The following PLEKHH2 variants were observed in gnomAD, a reference collection of about 807,000 sequenced individuals.
PLEKHH2 encodes pleckstrin homology, MyTH4 and FERM domain containing H2.
In PLEKHH2, 129 loss-of-function variants were observed where a neutral mutation model predicts 187.9. That is an observed-to-expected ratio of 0.69 (90% confidence interval 0.59 to 0.79). The LOEUF (loss-of-function observed/expected upper bound fraction) is 0.79. PLEKHH2 is among the 30% of genes least tolerant of loss of function. PLEKHH2 has a pLI of 0.00. For missense variants in PLEKHH2, 2,076 were observed against 1,751.2 expected (o/e 1.19, Z -3.31); for synonymous variants, 686 against 605.6 (o/e 1.13, Z -1.95).
At chr2:43,752,714 C>T (rs1672056236) in intron 24 of PLEKHH2, among the ~76,000 whole-genome samples, 1 of 152,140 alleles carries the variant, frequency 6.6e-6, no homozygotes, top group Non-Finnish European at 1.5e-5. Flanking sequence ...CATTTAGAGC[C>T]GTTACAGCAC....
intron 24 of PLEKHH2, 128 bp downstream of exon 24, chr2:43,746,091 A>G (rs1005771496): frequency 1.8e-6 from 1 of 546,586 alleles, no homozygotes; most frequent in Non-Finnish European, 2.9e-6. Flanking sequence ...TCTATAAATG[A>G]TAACTCTGTT....
At chr2:43,694,037 T>C (rs1409977824) in intron 4 of PLEKHH2, among the ~76,000 whole-genome samples, 3 of 152,120 alleles carry the variant, frequency 2.0e-5, no homozygotes, top group Non-Finnish European at 4.4e-5. Flanking sequence ...TTTTCTTGCA[T>C]CTTTGAAAGC....
At chr2:43,727,366 C>T (rs965924074) in intron 17 of PLEKHH2, among the ~76,000 whole-genome samples, 23 of 137,082 alleles carry the variant, frequency 1.7e-4, no homozygotes, top group Non-Finnish European at 2.9e-4. Flanking sequence ...GAGCTGAGAT[C>T]GCACCACTGC....
intron 2 of PLEKHH2, among the ~76,000 whole-genome samples, chr2:43,655,552 A>G (rs139962942): frequency 6.6e-6 from 1 of 152,344 alleles, no homozygotes; most frequent in Non-Finnish European, 1.5e-5. Context: ...GGAAGATGCT[A>G]AATGTTGTGT....
chr2:43,640,052 C>A (rs2104311690), intron 1 of PLEKHH2, among the ~76,000 whole-genome samples: 1 of 152,228 alleles, frequency 6.6e-6, no homozygotes, highest in South Asian at 2.1e-4. Context: ...CATTTATTTA[C>A]AAGTTTTGGT....
intron 3 of PLEKHH2, among the ~76,000 whole-genome samples, chr2:43,687,946 G>A (rs1372700161): frequency 6.6e-6 from 1 of 151,942 alleles, no homozygotes; most frequent in Non-Finnish European, 1.5e-5. Flanking sequence ...ACAGGCATAT[G>A]CCACTATACT....
intron 24 of PLEKHH2, 22 bp downstream of exon 24, chr2:43,745,985 T>G: frequency 6.7e-7 from 1 of 1,488,024 alleles, no homozygotes; most frequent in Non-Finnish European, 9.3e-7. Context: ...TGCATCCAGA[T>G]GCCAAAGTAT....
intron 2 of PLEKHH2, among the ~76,000 whole-genome samples, chr2:43,678,184 G>T (rs1403849045): frequency 7.3e-5 from 11 of 151,642 alleles, no homozygotes; most frequent in African/African-American, 2.7e-4. Flanking sequence ...TCACTTCCTA[G>T]ATGGGATGGC....
intron 10 of PLEKHH2, among the ~76,000 whole-genome samples, chr2:43,706,689 C>G (rs180705744): frequency 2.0e-5 from 3 of 152,150 alleles, no homozygotes; most frequent in African/African-American, 7.2e-5. Flanking sequence ...TTAAAGGAGA[C>G]ATATTATTAA....
At chr2:43,688,479 A>T (rs1222303886) in intron 3 of PLEKHH2, among the ~76,000 whole-genome samples, 1 of 152,242 alleles carries the variant, frequency 6.6e-6, no homozygotes, top group Non-Finnish European at 1.5e-5. Context: ...CATCTTGATT[A>T]TGTATAGTGG....
At chr2:43,699,037 C>G (rs1192506283) in intron 7 of PLEKHH2, among the ~76,000 whole-genome samples, 1 of 152,078 alleles carries the variant, frequency 6.6e-6, no homozygotes, top group Non-Finnish European at 1.5e-5. Context: ...ATTTATTATG[C>G]TTAAATTTAC....
chr2:43,697,517 G>A (rs1317489230), intron 7 of PLEKHH2, among the ~76,000 whole-genome samples, 161 bp downstream of exon 7: 2 of 152,148 alleles, frequency 1.3e-5, no homozygotes, highest in Admixed American at 1.3e-4. Flanking sequence ...AACTTTGTGT[G>A]TCTAATTATT....
intron 2 of PLEKHH2, among the ~76,000 whole-genome samples, chr2:43,654,708 C>CG (rs1249158452): frequency 2.7e-5 from 1 of 37,672 alleles, no homozygotes; most frequent in African/African-American, 1.2e-4. Flanking sequence ...TAAGACACCC[C>CG]CCCCCCCCGC....
Position 43,759,038 on chromosome 2 carries a change from G to C in PLEKHH2, c.4071+9G>C. On this transcript the variant is annotated intron_variant, in intron 27 of 29. Coordinates refer to ENST00000282406, the MANE Select transcript of PLEKHH2 (RefSeq NM_172069.4). ...AGTTGTTTCTTGCAAAAGTAAGAAAGAATGGGAGAGAGATGCATAATGAAA... is the reference window on the plus strand; with the variant it reads ...AGTTGTTTCTTGCAAAAGTAAGAAACAATGGGAGAGAGATGCATAATGAAA... The C allele has an allele frequency of 6.2e-7, 1 of 1,610,638 alleles. No individual in the cohort carries two copies. Among genetic ancestry groups the C allele is most frequent in the Non-Finnish European group, 8.5e-7 (1 of 1,177,502 alleles).
At chr2:43,725,537 G>T (rs1056999593) in intron 16 of PLEKHH2, among the ~76,000 whole-genome samples, 1 of 152,170 alleles carries the variant, frequency 6.6e-6, no homozygotes, top group African/African-American at 2.4e-5. Flanking sequence ...GGTTAGAAAA[G>T]GAGCTATCTT....
chr2:43,748,907 C>T (rs372142886), intron 24 of PLEKHH2, among the ~76,000 whole-genome samples: 28 of 152,296 alleles, frequency 1.8e-4, no homozygotes, highest in African/African-American at 6.7e-4. Context: ...CAGGCGCCTG[C>T]CACCATGCCC....
intron 13 of PLEKHH2, 28 bp downstream of exon 13, chr2:43,710,358 A>G (rs909948803): frequency 1.7e-5 from 27 of 1,604,504 alleles, no homozygotes; most frequent in Non-Finnish European, 2.2e-5. Context: ...TCTGTTTAGA[A>G]CGTAATTCCT....
intron 23 of PLEKHH2, 140 bp downstream of exon 23, chr2:43,744,129 A>G (rs1278348294): frequency 7.1e-7 from 1 of 1,415,862 alleles, no homozygotes; most frequent in South Asian, 1.7e-5. Context: ...GATAAGAAAA[A>G]AAAAATGCAG....
intron 1 of PLEKHH2, among the ~76,000 whole-genome samples, chr2:43,644,113 C>G (rs1261840036): frequency 6.6e-6 from 1 of 152,016 alleles, no homozygotes; most frequent in East Asian, 1.9e-4. Context: ...TTAACCTGGA[C>G]CTGGCCAAAT....
Sources: allele counts gnomAD v4.1 joint callset (sites outside exome capture counted in the v4.1 genomes callset), GRCh38; gene constraint gnomAD v4.1.1; transcripts MANE v1.5; gene names NCBI Gene and HGNC (gene_info 2026-07-23, HGNC 2026-07-21).